Variants in CSN1S1 observed in about 807,000 individuals in gnomAD.
The protein encoded by CSN1S1 is casein alpha s1, also known as alpha-S1-casein.
CSN1S1 carries 63 observed loss-of-function variants against 49.1 expected under a neutral mutation model. The ratio of observed to expected loss-of-function variants is 1.28; its 90% CI spans 1.05 to 1.58. The LOEUF (loss-of-function observed/expected upper bound fraction) is 1.58, where lower values mean the gene tolerates loss of function less well. Among genes scored for constraint, CSN1S1 ranks in the 40% most tolerant of loss-of-function variants. CSN1S1 has a pLI of 0.00. For missense variants in CSN1S1, 260 were observed against 224.7 expected (o/e 1.16, Z -1.01); for synonymous variants, 78 against 67.1 (o/e 1.16, Z -0.79).
chr4:69,935,267 T>A (rs1420391190), intron 4 of CSN1S1, among the ~76,000 whole-genome samples: 1 of 151,874 alleles, frequency 6.6e-6, no homozygotes, highest in East Asian at 1.9e-4. Flanking sequence ...CACTGGGTGC[T>A]GTGGCTCACA....
chr4:69,940,137 A>G (rs906593714), intron 11 of CSN1S1, 93 bp downstream of exon 11: 1 of 537,170 alleles, frequency 1.9e-6, no homozygotes, highest in Admixed American at 4.2e-5. Context: ...ACACACACAC[A>G]CACACACACA....
intron 9 of CSN1S1, among the ~76,000 whole-genome samples, chr4:69,938,961 A>G (rs1722891400): frequency 6.6e-6 from 1 of 151,708 alleles, no homozygotes; most frequent in Non-Finnish European, 1.5e-5. Context: ...TTAAGTTTTT[A>G]TGTTCCCAGA....
At position 69,944,890 on chromosome 4, in the gene CSN1S1, C is replaced by A; in HGVS notation, c.443C>A (p.Ala148Asp). Residue 148 changes from alanine to aspartate, a missense_variant, in exon 15 of 16, where the codon GCT becomes GAT. By Grantham distance (126) the Ala-to-Asp change is moderately radical. Coordinates refer to ENST00000246891, the MANE Select transcript of CSN1S1 (RefSeq NM_001890.2). ...AACCAACTTGCTGCCTACCCCTATG[C>A]TGTTTGGTACTATCCACAAATCATG... ...QLNQLAAYPY[A>D]VWYYPQIMQY... is the part of the protein sequence containing the mutation. 6.2e-7 allele frequency: 1 copy of A among 1,612,854 alleles called. No individual in the cohort carries two copies. The highest frequency in any genetic ancestry group is 8.5e-7 in the Non-Finnish European group (1 of 1,179,162).
chr4:69,937,661 G>C, intron 8 of CSN1S1, 139 bp from the exon 9 acceptor site: 3 of 630,166 alleles, frequency 4.8e-6, no homozygotes, highest in Non-Finnish European at 8.0e-6. Context: ...AAAGTAGGCA[G>C]TTTTTTTAGT....
chr4:69,941,987 T>C, intron 12 of CSN1S1, 59 bp from the exon 13 acceptor site: 1 of 1,146,902 alleles, frequency 8.7e-7, no homozygotes, highest in Non-Finnish European at 1.2e-6. Context: ...CAGCAAATGT[T>C]TCTTATTAAT....
chr4:69,941,971 G>A, intron 12 of CSN1S1, 75 bp from the exon 13 acceptor site: 1 of 911,424 alleles, frequency 1.1e-6, no homozygotes, highest in Non-Finnish European at 1.6e-6. Context: ...AACAAATGAA[G>A]GTACCCAGCA....
intron 15 of CSN1S1, among the ~76,000 whole-genome samples, chr4:69,945,728 TG>T (rs1367986014): frequency 1.3e-5 from 2 of 151,978 alleles, no homozygotes; most frequent in Non-Finnish European, 2.9e-5. Context: ...TTATTTTTTA[TG>T]GTCAAATAGA....
chr4:69,935,655 G>A (rs567050499), intron 4 of CSN1S1, among the ~76,000 whole-genome samples: 97 of 152,120 alleles, frequency 6.4e-4, no homozygotes, highest in Admixed American at 2.2e-3. Context: ...ATGTTAAAGA[G>A]CTGCTTTATA....
chr4:69,937,361 G>A (rs557989235), intron 8 of CSN1S1, among the ~76,000 whole-genome samples: 2 of 147,922 alleles, frequency 1.4e-5, no homozygotes, highest in Admixed American at 1.4e-4. Flanking sequence ...TCTCTGTATT[G>A]CTGTAGTCGT....
chr4:69,945,602 T>G (rs2109733036), intron 15 of CSN1S1, among the ~76,000 whole-genome samples: 1 of 152,192 alleles, frequency 6.6e-6, no homozygotes, highest in Non-Finnish European at 1.5e-5. Flanking sequence ...AATGACTTCC[T>G]TTAATCACAT....
At chr4:69,941,090 CATATTCTACTATAGAATTA>C in intron 12 of CSN1S1, 30 bp downstream of exon 12, 1 of 1,103,006 alleles carries the variant, frequency 9.1e-7, no homozygotes, top group East Asian at 2.8e-5. Context: ...AATACAAAAT[CATATTCTACTATAGAATTA>C]AAACATATTA....
chr4:69,939,127 A>C (rs1722895931), intron 9 of CSN1S1, 49 bp from the exon 10 acceptor site: 1 of 1,436,884 alleles, frequency 7.0e-7, no homozygotes, highest in East Asian at 2.3e-5. Flanking sequence ...GTTTCCTTCA[A>C]ATTCTAAAAA....
At chr4:69,935,288 C>CA (rs1158804445) in intron 4 of CSN1S1, among the ~76,000 whole-genome samples, 4 of 150,548 alleles carry the variant, frequency 2.7e-5, no homozygotes, top group Non-Finnish European at 5.9e-5. Flanking sequence ...CCTGTAATCC[C>CA]AACACTTTGG....
chr4:69,937,192 A>T (rs1221810921), intron 8 of CSN1S1, 48 bp downstream of exon 8: 1 of 1,241,932 alleles, frequency 8.1e-7, no homozygotes, highest in African/African-American at 1.5e-5. Flanking sequence ...AGGAAAAGAA[A>T]CAATACATAT....
chr4:69,943,770 A>C (rs992480184), intron 14 of CSN1S1, among the ~76,000 whole-genome samples: 2 of 151,998 alleles, frequency 1.3e-5, no homozygotes, highest in African/African-American at 4.8e-5. Flanking sequence ...GTGGAAGAGC[A>C]AAAAAGAATA....
chr4:69,942,004 AT>A, intron 12 of CSN1S1, 41 bp from the exon 13 acceptor site: 1 of 1,342,976 alleles, frequency 7.4e-7, no homozygotes, highest in Non-Finnish European at 1.0e-6. Flanking sequence ...TAATGAGTAA[AT>A]AAAATGAAAA....
intron 12 of CSN1S1, 83 bp from the exon 13 acceptor site, chr4:69,941,963 C>A (rs1560390222): frequency 1.2e-6 from 1 of 852,346 alleles, no homozygotes; most frequent in South Asian, 2.3e-5. Flanking sequence ...TGTCCCTGAA[C>A]AAATGAAGGT....
At chr4:69,943,514 T>G (rs1723051786) in intron 14 of CSN1S1, among the ~76,000 whole-genome samples, 1 of 152,088 alleles carries the variant, frequency 6.6e-6, no homozygotes, top group African/African-American at 2.4e-5. Flanking sequence ...GTGACAACTA[T>G]ATATGCATTT....
rs1009971905 is a variant in CSN1S1 at position 69,946,258 on chromosome 4, C to T, written c.*62C>T. ...CAAGGAAAACCATCTTATCTGAAGA[C>T]TGGACTGTTGTTTTAGAATAGTAAA... On this transcript the variant is annotated 3_prime_UTR_variant, in exon 16 of 16. Transcript: ENST00000246891. The T allele has an allele frequency of 6.8e-5, 32 of 467,874 alleles. No homozygotes were observed. The highest frequency in any genetic ancestry group is 6.4e-4 in the African/African-American group (32 of 49,944). 29.0% of individuals were successfully genotyped at this position (467,874 alleles called of 1,614,324 possible). A position where few individuals can be genotyped will look rare whatever the true frequency, so the allele number is the denominator to read the frequency against.
Sources: allele counts gnomAD v4.1 joint callset (sites outside exome capture counted in the v4.1 genomes callset), GRCh38; gene constraint gnomAD v4.1.1; transcripts MANE v1.5; gene names NCBI Gene and HGNC (gene_info 2026-07-23, HGNC 2026-07-21).